NAA35: variants seen among roughly 807,000 people sequenced by gnomAD.
NAA35 encodes MAK10 homolog, amino-acid N-acetyltransferase subunit.
In NAA35, 18 loss-of-function variants were observed where a neutral mutation model predicts 101.7. That is an observed-to-expected ratio of 0.18 (90% CI 0.12 to 0.26). The LOEUF (loss-of-function observed/expected upper bound fraction) is 0.26, where lower values mean the gene tolerates loss of function less well. Among genes scored for constraint, NAA35 ranks in the 10% least tolerant of loss-of-function variants. The probability of loss-of-function intolerance (pLI) is 1.00; values close to 1 mark genes in which losing one functional copy is unlikely to be tolerated. For missense variants in NAA35, 601 were observed against 886.8 expected (o/e 0.68, Z 4.09); for synonymous variants, 267 against 273.1 (o/e 0.98, Z 0.22).
intron 14 of NAA35, among the ~76,000 whole-genome samples, chr9:86,009,100 C>T (rs1479047755): frequency 6.6e-6 from 1 of 152,150 alleles, no homozygotes; most frequent in African/African-American, 2.4e-5. Context: ...TTCAAGGCTA[C>T]TAATGAACAT....
Position 86,021,179 on chromosome 9 carries a change from C to T in NAA35, c.2118+210C>T, listed in dbSNP as rs543021372. Among the ~76,000 whole-genome samples, 5 of 152,256 alleles carry T rather than the reference C, an allele frequency of 3.3e-5. No homozygotes were observed. In the East Asian group the frequency reaches 5.8e-4, roughly 18 times the overall value. ...TTAAAATTTCTAAAGTCTGCCTATA[C>T]GTTTTCCATCTCCTTGCTGTGTAAA... On this transcript the variant is annotated intron_variant, in intron 22 of 22. Coordinates refer to ENST00000361671, the MANE Select transcript of NAA35 (RefSeq NM_024635.4).
chr9:85,980,437 C>G (rs375965532), intron 11 of NAA35, among the ~76,000 whole-genome samples: 15 of 152,140 alleles, frequency 9.9e-5, no homozygotes, highest in African/African-American at 3.6e-4. Flanking sequence ...CAGTCATTCG[C>G]ATATCAAAAG....
At chr9:85,953,749 A>T (rs1587561602) in intron 2 of NAA35, among the ~76,000 whole-genome samples, 2 of 152,060 alleles carry the variant, frequency 1.3e-5, no homozygotes, top group African/African-American at 2.4e-5. Flanking sequence ...ATTATTGACT[A>T]CTTTAAGTAT....
At chr9:85,971,895 G>C (rs1830014882) in intron 6 of NAA35, among the ~76,000 whole-genome samples, 1 of 149,150 alleles carries the variant, frequency 6.7e-6, no homozygotes, top group Admixed American at 6.7e-5. Flanking sequence ...CCCAATCCAA[G>C]TCATCATCAG....
At chr9:86,021,811 C>T (rs1037281702) in intron 22 of NAA35, 90 bp from the exon 23 acceptor site, 4 of 1,105,386 alleles carry the variant, frequency 3.6e-6, no homozygotes, top group African/African-American at 3.2e-5. Context: ...TCTAAGAACA[C>T]AAGAAACTCT....
chr9:85,993,891 C>T (rs573307396), intron 11 of NAA35, among the ~76,000 whole-genome samples: 3 of 152,258 alleles, frequency 2.0e-5, no homozygotes, highest in South Asian at 4.1e-4. Context: ...TCACTACAGC[C>T]TCATCGTCCT....
intron 3 of NAA35, among the ~76,000 whole-genome samples, chr9:85,958,188 G>A (rs1004077546): frequency 2.6e-5 from 4 of 151,958 alleles, no homozygotes; most frequent in East Asian, 3.9e-4. Context: ...TGATCCACCC[G>A]CCTCAGCCTC....
rs529676661 is a variant in NAA35, at chr9:86,016,670, A to G, written c.1700A>G (p.Lys567Arg). 2.2e-5 allele frequency: 35 copies of G among 1,611,894 alleles called. No individual in the cohort carries two copies. In the South Asian group the frequency reaches 3.2e-4, roughly 15 times the overall value. Residue 567 changes from lysine to arginine, a missense_variant, in exon 18 of 23, where the codon AAG becomes AGG. Transcript: ENST00000361671. ...GRSSKKTKKK[K>R]KVRPLSREIT... ...AGTAGTAAAAAAACAAAGAAAAAAA[A>G]GAAAGGTGCTGTGGATTATTTTTAA...
rs760486898 is a variant in NAA35 at position 86,007,340 on chromosome 9, T to C, written c.1117-18T>C. The C allele has an allele frequency of 4.5e-6, 7 of 1,561,254 alleles. No individual in the cohort carries two copies. The highest frequency in any genetic ancestry group is 6.2e-6 in the Non-Finnish European group (7 of 1,132,614). ...TCTGTGCGTGACACCGTAACTAATA[T>C]ATAACATTTGTTTTAAGACCACTTT... On this transcript the variant is annotated intron_variant, in intron 13 of 22. Coordinates refer to ENST00000361671, the MANE Select transcript of NAA35 (RefSeq NM_024635.4).
chr9:85,948,289 A>T (rs557756860), intron 2 of NAA35, among the ~76,000 whole-genome samples: 1 of 152,294 alleles, frequency 6.6e-6, no homozygotes, highest in South Asian at 2.1e-4. Context: ...TTACCCAAAA[A>T]TTGGTGTACT....
At chr9:85,971,983 A>G (rs1011659452) in intron 6 of NAA35, among the ~76,000 whole-genome samples, 5 of 152,086 alleles carry the variant, frequency 3.3e-5, no homozygotes, top group Admixed American at 6.5e-5. Flanking sequence ...CAAGTCCACA[A>G]ATCTTCAAGA....
chr9:86,005,094 A>G (rs1831575092), intron 13 of NAA35, among the ~76,000 whole-genome samples: 1 of 152,206 alleles, frequency 6.6e-6, no homozygotes, highest in Non-Finnish European at 1.5e-5. Flanking sequence ...ATGAACACAG[A>G]TGTAAAAATC....
rs1165289796 is a variant in NAA35 at position 85,941,168 on chromosome 9, G to C, written c.-111G>C. 1.0e-5 allele frequency: 10 copies of C among 986,036 alleles called. No individual in the cohort carries two copies. Among genetic ancestry groups the C allele is most frequent in the East Asian group, 2.3e-4 (2 of 8,834 alleles). The allele number at this position is 986,036 out of a possible 1,614,324, so 61.1% of individuals were successfully genotyped here. On this transcript the variant is annotated 5_prime_UTR_variant, in exon 1 of 23. Coordinates refer to ENST00000361671, the MANE Select transcript of NAA35 (RefSeq NM_024635.4). ...GGCATACGCATGCGTGCACGCTGCC[G>C]GTCGGGCTGGGCTGAGAGGGGAGGG...
intron 2 of NAA35, among the ~76,000 whole-genome samples, chr9:85,948,826 C>T (rs941981354): frequency 2.0e-5 from 3 of 152,038 alleles, no homozygotes; most frequent in Non-Finnish European, 4.4e-5. Context: ...GGCATGATCT[C>T]GGTTCACTGC....
At chr9:86,020,466 G>T (rs889113723) in intron 21 of NAA35, among the ~76,000 whole-genome samples, 1 of 152,142 alleles carries the variant, frequency 6.6e-6, no homozygotes, top group African/African-American at 2.4e-5. Context: ...ATTATTAAAA[G>T]AAATATATTT....
intron 1 of NAA35, chr9:85,941,696 C>T: frequency 1.0e-6 from 1 of 986,314 alleles, no homozygotes. Flanking sequence ...GGGTCCGGGC[C>T]GGCTCTGGCC....
intron 11 of NAA35, among the ~76,000 whole-genome samples, chr9:85,988,697 G>T (rs929752914): frequency 1.3e-5 from 2 of 152,060 alleles, no homozygotes; most frequent in African/African-American, 4.8e-5. Flanking sequence ...TCAGGAGGCT[G>T]AGTCAGGAGA....
At chr9:85,977,585 CA>C in intron 10 of NAA35, 139 bp downstream of exon 10, 1 of 503,862 alleles carries the variant, frequency 2.0e-6, no homozygotes, top group Non-Finnish European at 3.5e-6. Context: ...ATATTTATAC[CA>C]GTGTAACACT....
chr9:85,978,554 A>G (rs1009149269), intron 11 of NAA35, among the ~76,000 whole-genome samples, 173 bp downstream of exon 11: 1 of 152,218 alleles, frequency 6.6e-6, no homozygotes, highest in Non-Finnish European at 1.5e-5. Flanking sequence ...CTAAAAAACA[A>G]TACTGTAGAA....
Sources: gnomAD v4.1 joint callset for allele counts (sites outside exome capture counted in the v4.1 genomes callset) on GRCh38, gnomAD v4.1.1 for gene constraint, MANE v1.5 for transcripts, NCBI Gene and HGNC (gene_info 2026-07-23, HGNC 2026-07-21) for gene names.